The following EYA2 variants were observed in gnomAD, a reference collection of about 807,000 sequenced individuals.
EYA2 encodes EYA transcriptional coactivator and phosphatase 2, also known as protein phosphatase EYA2.
Under a neutral mutation model 69.2 loss-of-function variants are expected in EYA2, and 31 were observed. The observed-to-expected ratio is 0.45, with a 90% CI of 0.34 to 0.60. The LOEUF is 0.60. EYA2 is among the 20% of genes least tolerant of loss of function. The pLI, the probability that EYA2 is intolerant of heterozygous loss-of-function variation, is 0.02. For synonymous variants in EYA2, 257 were observed against 279.4 expected (o/e 0.92, Z 0.80); for missense variants, 622 against 701.2 (o/e 0.89, Z 1.28).
At chr20:47,058,757 T>C (rs6018249) in intron 5 of EYA2, among the ~76,000 whole-genome samples, 6,931 of 152,228 alleles carry the variant, frequency 0.046, 539 homozygotes, top group African/African-American at 0.16. Flanking sequence ...GGAGAATCAA[T>C]TGAGCCCAGG....
At chr20:46,897,538 C>T (rs1983874324) in intron 1 of EYA2, among the ~76,000 whole-genome samples, 2 of 152,226 alleles carry the variant, frequency 1.3e-5, no homozygotes, top group African/African-American at 4.8e-5. Context: ...AGCGAGGACT[C>T]ATTCTCTCTC....
intron 1 of EYA2, among the ~76,000 whole-genome samples, chr20:46,959,927 G>A (rs140777752): frequency 2.0e-3 from 307 of 152,300 alleles, no homozygotes; most frequent in African/African-American, 6.9e-3. Context: ...GAGACATGCC[G>A]TGGGGGGAAT....
intron 9 of EYA2, among the ~76,000 whole-genome samples, chr20:47,124,613 C>T (rs1323189937): frequency 6.6e-6 from 1 of 152,096 alleles, no homozygotes; most frequent in Admixed American, 6.6e-5. Context: ...TCACCACATG[C>T]CCCTCAGCCC....
intron 5 of EYA2, among the ~76,000 whole-genome samples, chr20:47,036,398 C>T (rs1984712325): frequency 6.6e-6 from 1 of 152,046 alleles, no homozygotes; most frequent in Admixed American, 6.6e-5. Context: ...GTTTAGTGAC[C>T]CAGCAATATT....
chr20:46,897,162 T>C (rs897419147), intron 1 of EYA2, among the ~76,000 whole-genome samples: 1 of 152,214 alleles, frequency 6.6e-6, no homozygotes, highest in Admixed American at 6.5e-5. Context: ...GTTTCAAATA[T>C]GTGGTATTAC....
chr20:47,164,716 A>G (rs2034145444), intron 10 of EYA2, among the ~76,000 whole-genome samples: 1 of 152,128 alleles, frequency 6.6e-6, no homozygotes, highest in African/African-American at 2.4e-5. Context: ...CCCCGTAGAG[A>G]TGGTGGGAAA....
intron 5 of EYA2, among the ~76,000 whole-genome samples, chr20:47,050,705 A>G (rs1359153984): frequency 6.6e-6 from 1 of 152,272 alleles, no homozygotes; most frequent in Non-Finnish European, 1.5e-5. Context: ...TGGCTTTTGC[A>G]TAAGGTATTT....
At chr20:47,115,365 T>G (rs1387534376) in intron 9 of EYA2, among the ~76,000 whole-genome samples, 3 of 152,212 alleles carry the variant, frequency 2.0e-5, no homozygotes, top group Non-Finnish European at 4.4e-5. Flanking sequence ...CCCAACTGTC[T>G]GGGCCTCTGC....
intron 5 of EYA2, among the ~76,000 whole-genome samples, chr20:47,065,996 C>T (rs1397244539): frequency 6.6e-6 from 1 of 152,108 alleles, no homozygotes; most frequent in Non-Finnish European, 1.5e-5. Context: ...TTGTTGAATG[C>T]CTGAGGGAAT....
At chr20:46,907,693 G>A (rs1475366284) in intron 1 of EYA2, among the ~76,000 whole-genome samples, 1 of 152,152 alleles carries the variant, frequency 6.6e-6, no homozygotes, top group African/African-American at 2.4e-5. Flanking sequence ...AAAACAATTA[G>A]CCAGGTATGG....
At chr20:46,929,740 C>T (rs1600553284) in intron 1 of EYA2, among the ~76,000 whole-genome samples, 1 of 151,894 alleles carries the variant, frequency 6.6e-6, no homozygotes, top group Non-Finnish European at 1.5e-5. Flanking sequence ...GGTGCGGTGG[C>T]TCACATCTGT....
intron 2 of EYA2, among the ~76,000 whole-genome samples, chr20:46,999,605 C>G (rs1331927253): frequency 6.6e-6 from 1 of 152,240 alleles, no homozygotes; most frequent in Non-Finnish European, 1.5e-5. Context: ...CATCGTATAT[C>G]ATAAAATAGG....
At chr20:47,161,066 G>C in intron 10 of EYA2, 1 of 308,734 alleles carries the variant, frequency 3.2e-6, no homozygotes, top group Non-Finnish European at 6.1e-6. Context: ...CGGCGTAGCA[G>C]TCATAGATAC....
intron 9 of EYA2, among the ~76,000 whole-genome samples, chr20:47,117,983 G>A (rs1382081152): frequency 1.3e-5 from 2 of 152,180 alleles, no homozygotes; most frequent in Admixed American, 1.3e-4. Flanking sequence ...CATGTGAGGC[G>A]AGCACCTTGG....
chr20:47,138,838 C>G (rs1185810047), intron 9 of EYA2, among the ~76,000 whole-genome samples: 1 of 152,094 alleles, frequency 6.6e-6, no homozygotes, highest in Non-Finnish European at 1.5e-5. Flanking sequence ...TCTCTGCCTT[C>G]TAGAAGTAAC....
At chr20:47,151,370 CAAAA>C (rs11481571) in intron 10 of EYA2, among the ~76,000 whole-genome samples, 1 of 143,134 alleles carries the variant, frequency 7.0e-6, no homozygotes, top group East Asian at 2.1e-4. Flanking sequence ...GACTCCATCT[CAAAA>C]AAAAAAAGCT....
At chr20:47,044,253 A>G (rs1320607695) in intron 5 of EYA2, among the ~76,000 whole-genome samples, 1 of 152,130 alleles carries the variant, frequency 6.6e-6, no homozygotes, top group African/African-American at 2.4e-5. Context: ...TGCTTTCCAT[A>G]TGCTCTGGTC....
At chr20:47,029,464 G>A (rs1984279102) in intron 5 of EYA2, among the ~76,000 whole-genome samples, 1 of 152,254 alleles carries the variant, frequency 6.6e-6, no homozygotes, top group African/African-American at 2.4e-5. Context: ...TGTAACCAGT[G>A]GGTGGCCAAT....
intron 3 of EYA2, among the ~76,000 whole-genome samples, chr20:47,002,112 C>G (rs988894701): frequency 6.6e-6 from 1 of 151,566 alleles, no homozygotes; most frequent in Non-Finnish European, 1.5e-5. Flanking sequence ...CCCTTTTTCT[C>G]TTTCCCTTCC....
Sources: gnomAD v4.1 joint callset for allele counts (sites outside exome capture counted in the v4.1 genomes callset) on GRCh38, gnomAD v4.1.1 for gene constraint, MANE v1.5 for transcripts, NCBI Gene and HGNC (gene_info 2026-07-23, HGNC 2026-07-21) for gene names.